The following HVCN1 variants were observed in gnomAD, a reference collection of about 807,000 sequenced individuals.
HVCN1 encodes voltage-gated hydrogen channel 1.
In HVCN1, 14 loss-of-function variants were observed where a neutral mutation model predicts 29.2. That is an observed-to-expected ratio of 0.48 (90% CI 0.32 to 0.75). The LOEUF is 0.75. Among genes scored for constraint, HVCN1 ranks in the 30% least tolerant of loss-of-function variants. HVCN1 has a pLI of 0.04. For synonymous variants in HVCN1, 131 were observed against 133.2 expected (o/e 0.98, Z 0.11); for missense variants, 263 against 341.8 (o/e 0.77, Z 1.82).
chr12:110,677,849 G>C (rs376827643), intron 3 of HVCN1, among the ~76,000 whole-genome samples: 1 of 151,986 alleles, frequency 6.6e-6, no homozygotes, highest in African/African-American at 2.4e-5. Flanking sequence ...GGCAGCCCAG[G>C]TTCCCCTAAA....
intron 4 of HVCN1, among the ~76,000 whole-genome samples, chr12:110,656,612 T>C (rs1369531531): frequency 6.6e-6 from 1 of 152,150 alleles, no homozygotes; most frequent in East Asian, 1.9e-4. Context: ...GCTCACACTC[T>C]CAGATCAGTA....
In HVCN1 at chr12:110,687,017, T is replaced by C. The variant is rs146885599; in HGVS notation, c.-20+1608A>G. Among the ~76,000 whole-genome samples the C allele has an allele frequency of 3.8e-3, 583 of 152,126 alleles. 1 individual carries two copies. The highest frequency in any genetic ancestry group is 6.2e-3 in the Non-Finnish European group (425 of 68,012). On this transcript the variant is annotated intron_variant, in intron 2 of 7. Coordinates refer to ENST00000242607, the MANE Select transcript of HVCN1 (RefSeq NM_032369.4). ...GCTCTTGGGAGGGATAATTCTGAAG[T>C]CTATGTAGAAACGGGAGAAAAAATG... is the stretch of plus-strand genomic sequence containing the variant.
intron 3 of HVCN1, among the ~76,000 whole-genome samples, chr12:110,680,698 C>T (rs2136425097): frequency 6.6e-6 from 1 of 152,204 alleles, no homozygotes; most frequent in Admixed American, 6.5e-5. Flanking sequence ...AGGTGGATCA[C>T]TTGAGGCCAG....
At chr12:110,655,858 C>T (rs2067973323) in intron 4 of HVCN1, among the ~76,000 whole-genome samples, 1 of 152,124 alleles carries the variant, frequency 6.6e-6, no homozygotes, top group South Asian at 2.1e-4. Context: ...GCACGTACCA[C>T]CATGCCTGGC....
chr12:110,656,585 C>G (rs189843232), intron 4 of HVCN1, among the ~76,000 whole-genome samples: 5 of 152,290 alleles, frequency 3.3e-5, no homozygotes, highest in Admixed American at 1.3e-4. Context: ...TACCCACCCC[C>G]CCGCCAGGGC....
intron 3 of HVCN1, among the ~76,000 whole-genome samples, chr12:110,667,043 C>T (rs560607744): frequency 6.6e-6 from 1 of 152,316 alleles, no homozygotes; most frequent in East Asian, 1.9e-4. Flanking sequence ...CCATGCTGGG[C>T]TCATCTCGGC....
intron 5 of HVCN1, among the ~76,000 whole-genome samples, chr12:110,655,023 C>T (rs1335757066): frequency 6.6e-6 from 1 of 152,118 alleles, no homozygotes. Context: ...CCTAGCATCG[C>T]CCAGGATTCC....
At chr12:110,692,223 A>C (rs1303258180), upstream of HVCN1, among the ~76,000 whole-genome samples, 1 of 152,218 alleles carries the variant, frequency 6.6e-6, no homozygotes, top group Non-Finnish European at 1.5e-5. Context: ...AACAAGAAAA[A>C]AGAAATACAA....
At position 110,658,540 on chromosome 12, in the gene HVCN1, G is replaced by A. The variant is rs1022151828; in HGVS notation, c.306+2624C>T. ...ATGCTGCAGGTCCTTGGCAAACGAA[G>A]CCCCTCTACCTGGAAGCCTCCCACG... On this transcript the variant is annotated intron_variant, in intron 4 of 7. Transcript: ENST00000242607. The surrounding 1 kb of genome is among the most constrained non-coding windows in gnomAD (Gnocchi z 5.0). Among the ~76,000 whole-genome samples the A allele has an allele frequency of 6.6e-6, 1 of 152,104 alleles. No homozygotes were observed. The highest frequency in any genetic ancestry group is 1.5e-5 in the Non-Finnish European group (1 of 68,002).
chr12:110,692,396 AT>A (rs1213894936), upstream of HVCN1, among the ~76,000 whole-genome samples: 2 of 152,140 alleles, frequency 1.3e-5, no homozygotes, highest in African/African-American at 4.8e-5. Flanking sequence ...GTGAGCTCCC[AT>A]TTTAGTTGGG....
intron 3 of HVCN1, among the ~76,000 whole-genome samples, chr12:110,663,936 T>C (rs997445343): frequency 1.3e-5 from 2 of 152,138 alleles, no homozygotes; most frequent in Non-Finnish European, 2.9e-5. Context: ...TTCTTTTTTT[T>C]AAAAAGAGGA....
In HVCN1 at chr12:110,676,423, A is replaced by G. The variant is rs1456220469; in HGVS notation, c.21+6802T>C. On this transcript the variant is annotated intron_variant, in intron 3 of 7. Transcript: ENST00000242607. This position sits in a 1 kb window ranked among gnomAD's most constrained non-coding sequence, Gnocchi z 4.1. ...ACAGGCCTGCCTGGCCTCCACTGGC[A>G]TCTGGGAATTTGGACTTCTGGAAAA... Among the ~76,000 whole-genome samples the G allele has an allele frequency of 6.6e-6, 1 of 152,238 alleles. No homozygotes were observed. Among genetic ancestry groups the G allele is most frequent in the African/African-American group, 2.4e-5 (1 of 41,458 alleles).
chr12:110,661,267 C>T lies in HVCN1; in HGVS notation c.203G>A (p.Arg68Lys), dbSNP rs992952103. The change falls in exon 4 of 8, where the codon AGA (arginine) becomes AAA (lysine). Residue 68 changes from arginine (R) to lysine (K), a missense_variant. This residue lies in a region of HVCN1 where 157 missense variants were observed against 181.3 expected (regional missense o/e 0.87). Transcript: ENST00000242607. The surrounding 1 kb of genome is among the most constrained non-coding windows in gnomAD (Gnocchi z 6.2). ...AGGGGCAACGTCAGGGGCTGCAGCTCTGCCTTCCTCGCCTGAGACTGGTGT... is the reference window on the plus strand; with the variant it reads ...AGGGGCAACGTCAGGGGCTGCAGCTTTGCCTTCCTCGCCTGAGACTGGTGT... ...PPTPVSGEEG[R>K]AAAPDVAPAP... The T allele has an allele frequency of 7.4e-6, 12 of 1,614,104 alleles. No individual in the cohort carries two copies. Among genetic ancestry groups the T allele is most frequent in the South Asian group, 1.1e-5 (1 of 91,092 alleles).
intron 3 of HVCN1, among the ~76,000 whole-genome samples, chr12:110,678,765 TA>T (rs1348237243): frequency 6.6e-6 from 1 of 152,106 alleles, no homozygotes; most frequent in African/African-American, 2.4e-5. Flanking sequence ...TTTCATTTCT[TA>T]AAAGGTCGAC....
chr12:110,651,984 A>G (rs2067828797), intron 5 of HVCN1, among the ~76,000 whole-genome samples: 1 of 152,250 alleles, frequency 6.6e-6, no homozygotes, highest in African/African-American at 2.4e-5. Flanking sequence ...TCTGGGCAAC[A>G]TAGCAAGACC....
chr12:110,666,364 A>C (rs981457272), intron 3 of HVCN1, among the ~76,000 whole-genome samples: 28 of 151,778 alleles, frequency 1.8e-4, no homozygotes, highest in Non-Finnish European at 1.8e-4. Flanking sequence ...TGGAGGTTGC[A>C]GTGAGCCGAG....
chr12:110,681,755 G>T (rs2068982698), intron 3 of HVCN1, among the ~76,000 whole-genome samples: 1 of 152,006 alleles, frequency 6.6e-6, no homozygotes, highest in Non-Finnish European at 1.5e-5. Context: ...TGAGCTTCCT[G>T]CTCTGCCCTC....
chr12:110,687,987 C>T (rs1344412429), intron 2 of HVCN1: 1 of 152,340 alleles, frequency 6.6e-6, no homozygotes, highest in Non-Finnish European at 1.5e-5. Flanking sequence ...TGGTCTTACT[C>T]AAGCAGCTCC....
chr12:110,685,880 C>T (rs1011167950), intron 2 of HVCN1, among the ~76,000 whole-genome samples: 8 of 152,226 alleles, frequency 5.3e-5, no homozygotes, highest in South Asian at 2.1e-4. Flanking sequence ...GGGGGTCTCA[C>T]TATGTTATCC....
Sources: gnomAD v4.1 joint callset for allele counts (sites outside exome capture counted in the v4.1 genomes callset) on GRCh38, gnomAD v4.1.1 for gene constraint, gnomAD v4.1.1 regional missense constraint, Gnocchi (gnomAD v3.1) non-coding constraint, MANE v1.5 for transcripts, NCBI Gene and HGNC (gene_info 2026-07-23, HGNC 2026-07-21) for gene names.